Variants in RBFOX3 observed in about 807,000 individuals in gnomAD.
The protein encoded by RBFOX3 is RNA binding protein fox-1 homolog 3.
Under a neutral mutation model 48.7 loss-of-function variants are expected in RBFOX3, and 17 were observed. The observed-to-expected ratio is 0.35, with a 90% CI of 0.24 to 0.52. RBFOX3 has a LOEUF of 0.52. RBFOX3 is among the 20% of genes least tolerant of loss of function. RBFOX3 has a pLI of 0.94. For missense variants in RBFOX3, 382 were observed against 497.5 expected, an observed-to-expected ratio of 0.77 and a Z score of 2.21; for synonymous variants, 212 against 209.5, an observed-to-expected ratio of 1.01 and a Z score of -0.10.
chr17:79,620,454 CGCACACACATGCACACGT>C, the RBFOX3 span, among the ~76,000 whole-genome samples: 69 of 148,230 alleles, frequency 4.7e-4, 1 homozygote, highest in South Asian at 0.014. Flanking sequence ...TGCACACATG[CGCACACACATGCACACGT>C]GCACACACGC....
chr17:79,247,302 A>G (rs1260639806), intron 3 of RBFOX3, among the ~76,000 whole-genome samples: 3 of 142,326 alleles, frequency 2.1e-5, no homozygotes, highest in Non-Finnish European at 4.5e-5. Flanking sequence ...CACAGAGAAC[A>G]TAATCGTATT....
intron 4 of RBFOX3, among the ~76,000 whole-genome samples, chr17:79,162,708 T>A (rs2047209610): frequency 6.6e-6 from 1 of 151,972 alleles, no homozygotes; most frequent in Admixed American, 6.5e-5. Flanking sequence ...ACATTTGAAC[T>A]GAGCTGTGCT....
chr17:79,451,282 G>A (rs145503344), intron 2 of RBFOX3, among the ~76,000 whole-genome samples: 224 of 152,208 alleles, frequency 1.5e-3, no homozygotes, highest in Non-Finnish European at 2.0e-3. Flanking sequence ...TAATTTATTC[G>A]GCTCAGTCAA....
chr17:79,347,385 T>C (rs1346186708), intron 2 of RBFOX3, among the ~76,000 whole-genome samples: 1 of 152,180 alleles, frequency 6.6e-6, no homozygotes, highest in Non-Finnish European at 1.5e-5. Flanking sequence ...TCATCCTTTT[T>C]CTTTAAATCC....
At chr17:79,409,495 CCAA>C (rs2063988390) in intron 2 of RBFOX3, among the ~76,000 whole-genome samples, 1 of 152,256 alleles carries the variant, frequency 6.6e-6, no homozygotes. Context: ...CACATCCTCA[CCAA>C]CACCTGCTAT....
chr17:79,452,586 T>TGGGAAA (rs2073733501), intron 2 of RBFOX3, among the ~76,000 whole-genome samples: 1 of 149,740 alleles, frequency 6.7e-6, no homozygotes. Context: ...GGTGGGGGAG[T>TGGGAAA]GGGAAAGGGA....
At chr17:79,650,978 G>T in the RBFOX3 span, among the ~76,000 whole-genome samples, 1 of 152,176 alleles carries the variant, frequency 6.6e-6, no homozygotes, top group African/African-American at 2.4e-5. Context: ...CCCGGGACTC[G>T]CCTGAGGTGG....
chr17:79,213,821 G>A (rs548759120), intron 4 of RBFOX3, among the ~76,000 whole-genome samples: 1 of 152,204 alleles, frequency 6.6e-6, no homozygotes, highest in Non-Finnish European at 1.5e-5. Flanking sequence ...GGCTGCGAAC[G>A]TCACAGGAAA....
Position 79,363,721 on chromosome 17 carries a change from C to T in RBFOX3, c.-174-55897G>A, listed in dbSNP as rs1004873720. On this transcript the variant is annotated intron_variant, in intron 2 of 14. Coordinates refer to ENST00000693108, the MANE Select transcript of RBFOX3 (RefSeq NM_001350451.2). This position sits in a 1 kb window ranked among gnomAD's most constrained non-coding sequence, Gnocchi z 4.7. ...ACCTCCGACACGCCTCCAGAGCCCC[C>T]AACACCTCCAGAGCCCTCCAGCCTC... Among the ~76,000 whole-genome samples, 1 of 152,044 alleles carries T rather than the reference C, an allele frequency of 6.6e-6. No individual in the cohort carries two copies. Among genetic ancestry groups the T allele is most frequent in the Non-Finnish European group, 1.5e-5 (1 of 67,996 alleles).
the RBFOX3 span, among the ~76,000 whole-genome samples, chr17:79,625,949 T>G: frequency 6.6e-6 from 1 of 151,550 alleles, no homozygotes; most frequent in African/African-American, 2.4e-5. Flanking sequence ...AGCGAGGGGG[T>G]TTGGGGGGAC....
At chr17:79,656,539 G>C in the RBFOX3 span, among the ~76,000 whole-genome samples, 2 of 151,646 alleles carry the variant, frequency 1.3e-5, no homozygotes, top group Non-Finnish European at 2.9e-5. Flanking sequence ...GGTTGAACGT[G>C]GGAGGCGGAG....
At chr17:79,572,572 G>A (rs1428610439) in intron 1 of RBFOX3, among the ~76,000 whole-genome samples, 1 of 152,104 alleles carries the variant, frequency 6.6e-6, no homozygotes, top group Non-Finnish European at 1.5e-5. Flanking sequence ...GGAGGGAGGG[G>A]GAAGGGGAGC....
Position 79,385,608 on chromosome 17 carries a change from G to A in RBFOX3, c.-174-77784C>T, listed in dbSNP as rs76234893. Among the ~76,000 whole-genome samples the A allele has an allele frequency of 4.7e-3, 716 of 152,272 alleles. 7 individuals are homozygous for A. The highest frequency in any genetic ancestry group is 0.016 in the African/African-American group (676 of 41,550). On this transcript the variant is annotated intron_variant, in intron 2 of 14. Transcript: ENST00000693108. ...ACAGAGGTTCGCTCTCAAATACCACGTGTGCTGCTCCCTCATTCTGTGAGC... is the reference window on the plus strand; with the variant it reads ...ACAGAGGTTCGCTCTCAAATACCACATGTGCTGCTCCCTCATTCTGTGAGC...
chr17:79,559,374 G>A (rs2092016088), intron 1 of RBFOX3, among the ~76,000 whole-genome samples: 1 of 151,766 alleles, frequency 6.6e-6, no homozygotes, highest in Non-Finnish European at 1.5e-5. Context: ...TGGGATGGAT[G>A]ATTGGATGGA....
chr17:79,097,764 G>T lies in RBFOX3; in HGVS notation c.569-19C>A. On this transcript the variant is annotated intron_variant, in intron 9 of 14. Transcript: ENST00000693108. ...TTCCAGCCTAAAACAAAGGCACAGAGACCTAGTCACTGCCTTCCCCGACCC... is the reference window on the plus strand; with the variant it reads ...TTCCAGCCTAAAACAAAGGCACAGATACCTAGTCACTGCCTTCCCCGACCC... 3 of 1,551,056 alleles carry T rather than the reference G, an allele frequency of 1.9e-6. No homozygotes were observed. The highest frequency in any genetic ancestry group is 8.7e-7 in the Non-Finnish European group (1 of 1,146,704).
At chr17:79,269,813 T>A (rs1202640315) in intron 3 of RBFOX3, among the ~76,000 whole-genome samples, 1 of 148,754 alleles carries the variant, frequency 6.7e-6, no homozygotes, top group Non-Finnish European at 1.5e-5. Flanking sequence ...GTAAACATCA[T>A]CACAAGCAAG....
chr17:79,532,261 G>T (rs935735182), intron 1 of RBFOX3, among the ~76,000 whole-genome samples: 1 of 152,162 alleles, frequency 6.6e-6, no homozygotes, highest in Admixed American at 6.5e-5. Flanking sequence ...ATCCCCTGCA[G>T]CTCCTAAAGG....
chr17:79,291,479 TG>T (rs1259457976), intron 3 of RBFOX3, among the ~76,000 whole-genome samples: 5 of 152,196 alleles, frequency 3.3e-5, no homozygotes, highest in Non-Finnish European at 4.4e-5. Flanking sequence ...GGGGATTTAT[TG>T]AAGTCTTGCA....
At chr17:79,154,737 C>A (rs944365666) in intron 4 of RBFOX3, among the ~76,000 whole-genome samples, 5 of 152,252 alleles carry the variant, frequency 3.3e-5, no homozygotes, top group Non-Finnish European at 7.3e-5. Context: ...CTGGCCCCTG[C>A]CCCGTTGGCT....
Sources: gnomAD v4.1 joint callset for allele counts (sites outside exome capture counted in the v4.1 genomes callset) on GRCh38, gnomAD v4.1.1 for gene constraint, Gnocchi (gnomAD v3.1) non-coding constraint, MANE v1.5 for transcripts, NCBI Gene and HGNC (gene_info 2026-07-23, HGNC 2026-07-21) for gene names.